ZFHX3: variants seen among roughly 807,000 people sequenced by gnomAD.
ZFHX3 encodes zinc finger homeobox protein 3.
In ZFHX3, 42 loss-of-function variants were observed where a neutral mutation model predicts 279.1. That is an observed-to-expected ratio of 0.15 (90% CI 0.12 to 0.19). The LOEUF is 0.19. Ranked by LOEUF, ZFHX3 falls within the 10% of genes least tolerant of loss-of-function variation. The probability of loss-of-function intolerance (pLI) is 1.00; values close to 1 mark genes in which losing one functional copy is unlikely to be tolerated. For synonymous variants in ZFHX3, 2,293 were observed against 1,957.8 expected (o/e 1.17, Z -4.52); for missense variants, 4,981 against 4,754.0 (o/e 1.05, Z -1.40).
intron 2 of ZFHX3, among the ~76,000 whole-genome samples, chr16:73,613,446 G>T (rs2380349): frequency 0.89 from 132,725 of 149,142 alleles, 59,684 homozygotes; most frequent in East Asian, 0.99. Context: ...TGCTTTTTTT[G>T]TTTGTTTGTT....
rs769598232 is a variant in ZFHX3, at chr16:72,787,977, G to C, written c.10299C>G (p.Pro3433=). 96 of 1,613,754 alleles carry C rather than the reference G, an allele frequency of 5.9e-5. No homozygotes were observed. The highest frequency in any genetic ancestry group is 9.9e-5 in the South Asian group (9 of 91,068). ...GCTCTTCAGGGAGTTTCGGCAGGAG[G>C]GGGGACACCTCACGGGGGGTGTTTT... The part of the protein sequence containing the change: ...EQKNTPREVS[P]LLPKLPEEPE... Residue 3433 remains proline (P), a synonymous_variant, in exon 10 of 10, where the codon CCC becomes CCG. Coordinates refer to ENST00000268489, the MANE Select transcript of ZFHX3 (RefSeq NM_006885.4).
At chr16:72,977,803 A>T (rs1962417124) in intron 1 of ZFHX3, among the ~76,000 whole-genome samples, 1 of 152,132 alleles carries the variant, frequency 6.6e-6, no homozygotes, top group African/African-American at 2.4e-5. Context: ...GAGGGGAGAG[A>T]TGGAATTCAG....
intron 3 of ZFHX3, among the ~76,000 whole-genome samples, chr16:72,935,521 G>A (rs907442984): frequency 6.6e-5 from 10 of 152,040 alleles, no homozygotes; most frequent in African/African-American, 1.2e-4. Context: ...CAGGCGGATC[G>A]CCCGAGGTCA....
chr16:73,401,354 C>CA (rs1295709182), intron 3 of ZFHX3: 2 of 106,912 alleles, frequency 1.9e-5, no homozygotes, highest in East Asian at 5.2e-4. Flanking sequence ...ACATTTAAAA[C>CA]AAAAAACAAA....
At chr16:72,841,140 G>A (rs1285588884) in intron 4 of ZFHX3, among the ~76,000 whole-genome samples, 2 of 152,294 alleles carry the variant, frequency 1.3e-5, no homozygotes, top group Non-Finnish European at 2.9e-5. Flanking sequence ...TGGTGCCAGC[G>A]GAGAAGAGCC....
At chr16:72,828,579 A>G (rs567373321) in intron 5 of ZFHX3, among the ~76,000 whole-genome samples, 88 of 152,278 alleles carry the variant, frequency 5.8e-4, no homozygotes, top group African/African-American at 2.0e-3. Flanking sequence ...ATTTCAGCAC[A>G]TGAGTGCTCA....
At chr16:73,156,206 T>C (rs907096176) in intron 5 of ZFHX3, among the ~76,000 whole-genome samples, 3 of 128,868 alleles carry the variant, frequency 2.3e-5, no homozygotes, top group African/African-American at 8.9e-5. Flanking sequence ...CACTCCAGCC[T>C]GGGCGACAGA....
chr16:73,429,961 C>T (rs2017883605), intron 3 of ZFHX3, among the ~76,000 whole-genome samples: 1 of 152,150 alleles, frequency 6.6e-6, no homozygotes, highest in Admixed American at 6.5e-5. Context: ...GATCTCTGCT[C>T]ACTGCAGCCT....
intron 3 of ZFHX3, among the ~76,000 whole-genome samples, chr16:73,359,117 A>T (rs146247043): frequency 5.6e-4 from 86 of 152,262 alleles, no homozygotes; most frequent in African/African-American, 2.0e-3. Context: ...AGATCATACA[A>T]GGTAATAGAC....
At chr16:73,692,276 A>G (rs1186344751) in intron 1 of ZFHX3, among the ~76,000 whole-genome samples, 1 of 152,196 alleles carries the variant, frequency 6.6e-6, no homozygotes, top group Non-Finnish European at 1.5e-5. Context: ...TCTCTCCTGA[A>G]TGAAACTCTA....
At position 72,787,341 on chromosome 16, in the gene ZFHX3, T is replaced by G. The variant is rs1384947111; in HGVS notation, c.10935A>C (p.Ser3645=). The change falls in exon 10 of 10, where the codon TCA becomes TCC. Residue 3645 remains serine (S), a synonymous_variant. Coordinates refer to ENST00000268489, the MANE Select transcript of ZFHX3 (RefSeq NM_006885.4). ...LSSSSTVTSS[S]CSTSGVQPSM... ...AGGGCTGAACCCCTGAGGTGCTGCATGAACTTGAGGTAACCGTTGAAGATG... is the reference window on the plus strand; with the variant it reads ...AGGGCTGAACCCCTGAGGTGCTGCAGGAACTTGAGGTAACCGTTGAAGATG... 1 of 1,613,596 alleles carries G rather than the reference T, an allele frequency of 6.2e-7. No homozygotes were observed. The highest frequency in any genetic ancestry group is 8.5e-7 in the Non-Finnish European group (1 of 1,179,880).
chr16:73,154,366 T>A (rs530915490), intron 5 of ZFHX3, among the ~76,000 whole-genome samples: 1 of 152,328 alleles, frequency 6.6e-6, no homozygotes, highest in African/African-American at 2.4e-5. Flanking sequence ...GTTCCGTTTT[T>A]CTGTACTTCC....
chr16:72,884,622 G>C (rs1440085119), intron 4 of ZFHX3, among the ~76,000 whole-genome samples: 1 of 152,216 alleles, frequency 6.6e-6, no homozygotes, highest in Non-Finnish European at 1.5e-5. Context: ...GCGAGTAAGA[G>C]AGAAAACAGG....
intron 3 of ZFHX3, among the ~76,000 whole-genome samples, chr16:73,436,269 C>T (rs1236156982): frequency 6.6e-6 from 1 of 152,084 alleles, no homozygotes; most frequent in African/African-American, 2.4e-5. Flanking sequence ...TGTGGTAAGC[C>T]AAGATCACAC....
rs575561168 is a variant in ZFHX3, at chr16:73,583,472, T to C, written c.-1547+96708A>G. Among the ~76,000 whole-genome samples the C allele has an allele frequency of 4.3e-4, 66 of 152,298 alleles. 1 individual carries two copies. The highest frequency in any genetic ancestry group is 1.5e-3 in the African/African-American group (61 of 41,568). On this transcript the variant is annotated intron_variant, in intron 2 of 17. Coordinates refer to the ZFHX3 transcript ENST00000641206. ...ACCAGTTTTAATGACTAGGTAGAGA[T>C]AGAAAATAAGATTGTGTGTCCTGTG... is the stretch of plus-strand genomic sequence containing the variant.
intron 3 of ZFHX3, among the ~76,000 whole-genome samples, chr16:73,358,987 G>C (rs2016390665): frequency 6.6e-6 from 1 of 152,186 alleles, no homozygotes; most frequent in Non-Finnish European, 1.5e-5. Context: ...TCCATAATAA[G>C]TATTTAATAA....
At chr16:73,431,876 T>A (rs1023296975) in intron 3 of ZFHX3, among the ~76,000 whole-genome samples, 2 of 151,826 alleles carry the variant, frequency 1.3e-5, no homozygotes, top group Non-Finnish European at 2.9e-5. Context: ...TGGAGGTGAG[T>A]CTCTGTGTCT....
intron 5 of ZFHX3, among the ~76,000 whole-genome samples, chr16:72,822,610 A>G (rs1384397272): frequency 6.6e-6 from 1 of 152,244 alleles, no homozygotes; most frequent in South Asian, 2.1e-4. Context: ...GGAACAAAGC[A>G]GGCAAGATTA....
At chr16:73,373,067 T>C (rs2016659028) in intron 3 of ZFHX3, among the ~76,000 whole-genome samples, 1 of 152,134 alleles carries the variant, frequency 6.6e-6, no homozygotes, top group South Asian at 2.1e-4. Flanking sequence ...CTGAGGCTTC[T>C]AACTTTTCCA....
Sources: gnomAD v4.1 joint callset for allele counts (sites outside exome capture counted in the v4.1 genomes callset) on GRCh38, gnomAD v4.1.1 for gene constraint, MANE v1.5 for transcripts, NCBI Gene and HGNC (gene_info 2026-07-23, HGNC 2026-07-21) for gene names.